The following KIF26B variants were observed in gnomAD, a reference collection of about 807,000 sequenced individuals.
KIF26B encodes the protein kinesin-like protein KIF26B.
KIF26B carries 63 observed loss-of-function variants against 151.2 expected under a neutral mutation model. The ratio of observed to expected loss-of-function variants is 0.42; its 90% CI spans 0.34 to 0.51. KIF26B has a LOEUF of 0.51. Ranked by LOEUF, KIF26B falls within the 20% of genes least tolerant of loss-of-function variation. The pLI is 0.07. For missense variants in KIF26B, 2,813 were observed against 2,913.6 expected (o/e 0.97, Z 0.79); for synonymous variants, 1,357 against 1,262.1 (o/e 1.08, Z -1.59).
rs1432050135 is a variant in KIF26B at position 245,361,261 on chromosome 1, T to C, written c.466-5573T>C. 2.0e-5 allele frequency among the ~76,000 whole-genome samples: 3 copies of C among 152,208 alleles called. No homozygotes were observed. In the East Asian group the frequency reaches 5.8e-4, roughly 29 times the overall value. On this transcript the variant is annotated intron_variant, in intron 2 of 14. Coordinates refer to ENST00000407071, the MANE Select transcript of KIF26B (RefSeq NM_018012.4). ...CGATCGTTCAAACGGAAGTCATTCA[T>C]GGGATCGCCTCTCCCTGCAGTAATC...
chr1:245,685,677 G>A lies in KIF26B; in HGVS notation c.2694G>A (p.Lys898=). The A allele has an allele frequency of 6.2e-7, 1 of 1,613,030 alleles. No homozygotes were observed. Among genetic ancestry groups the A allele is most frequent in the Non-Finnish European group, 8.5e-7 (1 of 1,179,804 alleles). Residue 898 remains lysine (K), a synonymous_variant, in exon 12 of 15, where the codon AAG becomes AAA. Transcript: ENST00000407071. ...DFVPIVPALQ[K]TRGDSRPAEA... ...TCCCTATCGTGCCAGCCCTGCAGAAGACCCGGGGCGACAGCCGGCCCGCAG... is the reference window on the plus strand; with the variant it reads ...TCCCTATCGTGCCAGCCCTGCAGAAAACCCGGGGCGACAGCCGGCCCGCAG...
chr1:245,582,230 C>T (rs909263506), intron 5 of KIF26B, among the ~76,000 whole-genome samples: 4 of 152,216 alleles, frequency 2.6e-5, no homozygotes, highest in Admixed American at 6.5e-5. Context: ...ACCACGTGCC[C>T]GTCAAGGGGG....
intron 2 of KIF26B, among the ~76,000 whole-genome samples, chr1:245,185,446 G>A (rs745793112): frequency 4.6e-5 from 7 of 152,148 alleles, no homozygotes; most frequent in Non-Finnish European, 8.8e-5. Flanking sequence ...AAGGGAGGGG[G>A]GTCTGGATAA....
At chr1:245,660,077 G>A (rs1267208754) in intron 10 of KIF26B, among the ~76,000 whole-genome samples, 7 of 151,830 alleles carry the variant, frequency 4.6e-5, no homozygotes, top group Admixed American at 2.0e-4. Context: ...CAAGTCAGCT[G>A]TGAATATTTT....
intron 2 of KIF26B, among the ~76,000 whole-genome samples, chr1:245,195,570 A>G (rs111631948): frequency 6.6e-6 from 1 of 152,058 alleles, no homozygotes; most frequent in Admixed American, 6.5e-5. Context: ...CCTTCCTTTG[A>G]TCTCCTCAGC....
In KIF26B at chr1:245,688,619, T is replaced by C; in HGVS notation, c.5636T>C (p.Leu1879Pro). ...AACAGCAGCGTGCTGAGCGGGGAGC[T>C]CCCGCCGGCCATGGGGAAGACGGCC... ...SDNSSVLSGE[L>P]PPAMGKTALF... is the part of the protein sequence containing the mutation. The change falls in exon 12 of 15, where the codon CTC (leucine) becomes CCC (proline). Residue 1879 changes from leucine to proline, a missense_variant. Leu to Pro is a moderately conservative substitution (Grantham distance 98). Transcript: ENST00000407071. 2 of 1,593,204 alleles carry C rather than the reference T, an allele frequency of 1.3e-6. No individual in the cohort carries two copies. Among genetic ancestry groups the C allele is most frequent in the Admixed American group, 1.7e-5 (1 of 57,552 alleles).
chr1:245,295,072 A>C (rs1475154303), intron 2 of KIF26B, among the ~76,000 whole-genome samples: 1 of 152,186 alleles, frequency 6.6e-6, no homozygotes, highest in Non-Finnish European at 1.5e-5. Context: ...AAAATTGCAG[A>C]GAGTTAGGGC....
intron 2 of KIF26B, among the ~76,000 whole-genome samples, chr1:245,308,049 G>A (rs1671592077): frequency 6.6e-6 from 1 of 152,084 alleles, no homozygotes; most frequent in Non-Finnish European, 1.5e-5. Flanking sequence ...CTGTCCATCT[G>A]ACTCGTTTCT....
At chr1:245,690,963 T>G (rs2044617491) in intron 12 of KIF26B, among the ~76,000 whole-genome samples, 1 of 152,244 alleles carries the variant, frequency 6.6e-6, no homozygotes. Context: ...CTGCCGGCCT[T>G]CCCAGTACCT....
At chr1:245,433,240 T>A (rs1263155299) in intron 4 of KIF26B, among the ~76,000 whole-genome samples, 1 of 151,062 alleles carries the variant, frequency 6.6e-6, no homozygotes, top group Non-Finnish European at 1.5e-5. Context: ...CCGAGGCAGG[T>A]GGATCACAAG....
intron 2 of KIF26B, among the ~76,000 whole-genome samples, chr1:245,338,149 C>G (rs754314104): frequency 6.6e-5 from 10 of 152,168 alleles, no homozygotes; most frequent in Non-Finnish European, 1.3e-4. Context: ...TCATCAAAAG[C>G]TTGAATTATA....
chr1:245,695,659 T>C (rs557702055), intron 12 of KIF26B, among the ~76,000 whole-genome samples: 2 of 152,218 alleles, frequency 1.3e-5, no homozygotes, highest in African/African-American at 4.8e-5. Flanking sequence ...CTAGATGGCA[T>C]GGAAAGGAGG....
At chr1:245,284,036 C>G (rs1044696298) in intron 2 of KIF26B, among the ~76,000 whole-genome samples, 17 of 152,310 alleles carry the variant, frequency 1.1e-4, no homozygotes, top group African/African-American at 3.8e-4. Context: ...TGCGGCTTCC[C>G]TCATCCCTCC....
At chr1:245,616,047 C>T (rs1175489115) in intron 9 of KIF26B, among the ~76,000 whole-genome samples, 2 of 152,190 alleles carry the variant, frequency 1.3e-5, no homozygotes, top group African/African-American at 4.8e-5. Context: ...TCTGTGTGCG[C>T]CTCTGAATCT....
intron 2 of KIF26B, among the ~76,000 whole-genome samples, chr1:245,292,343 C>T (rs1363658957): frequency 6.6e-6 from 1 of 152,142 alleles, no homozygotes; most frequent in Non-Finnish European, 1.5e-5. Flanking sequence ...CCGTCACTGC[C>T]AGCTGCCCGG....
rs749964930 is a variant in KIF26B at position 245,375,237 on chromosome 1, C to T, written c.999+7870C>T. ...GATTACAGGCATGGACCACCATGTC[C>T]GGCTAATTTTTGTATTTTTAGTAGA... On this transcript the variant is annotated intron_variant, in intron 3 of 14. Transcript: ENST00000407071. The surrounding 1 kb of genome is among the most constrained non-coding windows in gnomAD (Gnocchi z 4.2). Among the ~76,000 whole-genome samples the T allele has an allele frequency of 3.3e-5, 5 of 152,098 alleles. No individual in the cohort carries two copies. The highest frequency in any genetic ancestry group is 5.9e-5 in the Non-Finnish European group (4 of 68,024).
intron 2 of KIF26B, among the ~76,000 whole-genome samples, chr1:245,335,657 G>C (rs1251827794): frequency 8.0e-6 from 1 of 124,856 alleles, no homozygotes; most frequent in Non-Finnish European, 1.7e-5. Flanking sequence ...AGGGGAAAGG[G>C]GGGTCCCACG....
intron 2 of KIF26B, among the ~76,000 whole-genome samples, chr1:245,231,344 G>A (rs1419630537): frequency 2.0e-5 from 3 of 151,888 alleles, no homozygotes; most frequent in Non-Finnish European, 2.9e-5. Flanking sequence ...GTGAAACCCC[G>A]TCTGTACTAA....
intron 4 of KIF26B, among the ~76,000 whole-genome samples, chr1:245,500,730 G>A (rs1294793523): frequency 6.6e-6 from 1 of 152,254 alleles, no homozygotes; most frequent in Admixed American, 6.5e-5. Flanking sequence ...AGCCACAGCT[G>A]AATCAGAGGA....
Sources: gnomAD v4.1 joint callset for allele counts (sites outside exome capture counted in the v4.1 genomes callset) on GRCh38, gnomAD v4.1.1 for gene constraint, Gnocchi (gnomAD v3.1) non-coding constraint, MANE v1.5 for transcripts, NCBI Gene and HGNC (gene_info 2026-07-23, HGNC 2026-07-21) for gene names.